The following MOB4 variants were observed in gnomAD, a reference collection of about 807,000 sequenced individuals.
MOB4 encodes MOB-like protein phocein.
A neutral mutation model predicts 32.2 loss-of-function variants in MOB4; 4 were observed. The observed-to-expected ratio is 0.12, with a 90% CI of 0.06 to 0.28. The LOEUF is 0.28. Among genes scored for constraint, MOB4 ranks in the 10% least tolerant of loss-of-function variants. The probability of loss-of-function intolerance (pLI) is 1.00; values close to 1 mark genes in which losing one functional copy is unlikely to be tolerated. For missense variants in MOB4, 158 were observed against 271.2 expected, an observed-to-expected ratio of 0.58 and a Z score of 2.93; for synonymous variants, 88 against 88.1, an observed-to-expected ratio of 1.00 and a Z score of 0.01.
intron 1 of MOB4, among the ~76,000 whole-genome samples, chr2:197,520,835 ATTGT>A: frequency 7.2e-6 from 1 of 138,818 alleles, no homozygotes; most frequent in East Asian, 2.5e-4. Flanking sequence ...AGGCTGGAGG[ATTGT>A]TTGTGACCAG....
intron 5 of MOB4, among the ~76,000 whole-genome samples, chr2:197,546,635 A>G (rs1232182212): frequency 6.6e-6 from 1 of 150,792 alleles, no homozygotes. Flanking sequence ...CCTGGACTCA[A>G]GTGATCTTCC....
At chr2:197,526,308 T>A (rs2106111025) in intron 2 of MOB4, among the ~76,000 whole-genome samples, 1 of 152,234 alleles carries the variant, frequency 6.6e-6, no homozygotes, top group African/African-American at 2.4e-5. Flanking sequence ...GTGTTTCTTT[T>A]TCTTACTTTT....
intron 1 of MOB4, among the ~76,000 whole-genome samples, chr2:197,522,288 T>G (rs2086533848): frequency 6.6e-6 from 1 of 151,566 alleles, no homozygotes; most frequent in South Asian, 2.1e-4. Flanking sequence ...GTCTTATTCA[T>G]TCTTTCTATT....
At chr2:197,530,073 G>T (rs1177404678) in intron 2 of MOB4, among the ~76,000 whole-genome samples, 1 of 148,336 alleles carries the variant, frequency 6.7e-6, no homozygotes, top group East Asian at 2.0e-4. Context: ...GGGTTCAAGC[G>T]ATTCTCCTCC....
rs1415847205 is a variant in MOB4 at position 197,546,694 on chromosome 2, T to C, written c.355-1642T>C. On this transcript the variant is annotated intron_variant, in intron 5 of 7. Transcript: ENST00000323303. ...GAATTACAGGCGTGAGCCACCACAT[T>C]GGGCCTAGAAAATTTAAAATTAAAT... Among the ~76,000 whole-genome samples the C allele has an allele frequency of 2.6e-5, 4 of 152,154 alleles. 1 individual carries two copies. The highest frequency in any genetic ancestry group is 5.9e-5 in the Non-Finnish European group (4 of 68,020).
At chr2:197,544,492 G>A (rs573784102) in intron 5 of MOB4, among the ~76,000 whole-genome samples, 35 of 152,248 alleles carry the variant, frequency 2.3e-4, no homozygotes, top group Non-Finnish European at 4.4e-4. Context: ...GGTGGCTCAC[G>A]CCTGTAATTC....
Position 197,537,791 on chromosome 2 carries a change from G to A in MOB4, c.224+2161G>A, listed in dbSNP as rs557777509. Among the ~76,000 whole-genome samples the A allele has an allele frequency of 4.6e-5, 7 of 151,202 alleles. No individual in the cohort carries two copies. In the East Asian group the frequency reaches 1.4e-3, roughly 29 times the overall value. Reference sequence around the variant, plus strand: ...ACTGCTTTCTTATGTTTTTTTTCTTGAGACAAGAGTCTCGAGTCTCGCTTT... The same window carrying A: ...ACTGCTTTCTTATGTTTTTTTTCTTAAGACAAGAGTCTCGAGTCTCGCTTT... On this transcript the variant is annotated intron_variant, in intron 3 of 7. Coordinates refer to ENST00000323303, the MANE Select transcript of MOB4 (RefSeq NM_015387.5).
intron 1 of MOB4, chr2:197,516,561 C>G (rs776114550): frequency 1.8e-5 from 9 of 496,506 alleles, no homozygotes; most frequent in Non-Finnish European, 3.6e-5. Context: ...GTAAACACAG[C>G]CTACCTCGAC....
At chr2:197,533,822 T>C (rs987757379) in intron 2 of MOB4, 4 of 608,970 alleles carry the variant, frequency 6.6e-6, no homozygotes, top group East Asian at 4.1e-5. Flanking sequence ...CACAAGACTT[T>C]AAGACTTTTA....
At position 197,550,725 on chromosome 2, in the gene MOB4, G is replaced by T; in HGVS notation, c.*79G>T. The stretch of plus-strand genomic sequence containing the variant: ...ATATCATTTTAGACACATCAATCAT[G>T]TATCCATATTATAGCTTCTTTGTTT... On this transcript the variant is annotated 3_prime_UTR_variant, in exon 8 of 8. Transcript: ENST00000323303. The T allele has an allele frequency of 7.0e-7, 1 of 1,438,412 alleles. No homozygotes were observed. Among genetic ancestry groups the T allele is most frequent in the Non-Finnish European group, 9.1e-7 (1 of 1,094,544 alleles). The allele number at this position is 1,438,412 out of a possible 1,614,324, so 89.1% of individuals were successfully genotyped here.
intron 6 of MOB4, among the ~76,000 whole-genome samples, chr2:197,549,235 A>AG (rs1553592386): frequency 6.6e-6 from 1 of 152,126 alleles, no homozygotes; most frequent in Non-Finnish European, 1.5e-5. Context: ...TCAAAAAAAA[A>AG]AGAGCAGACT....
intron 5 of MOB4, among the ~76,000 whole-genome samples, chr2:197,545,837 T>G (rs568977684): frequency 6.6e-6 from 1 of 152,276 alleles, no homozygotes; most frequent in East Asian, 1.9e-4. Context: ...GCTGAAATGT[T>G]CTGAAATTTA....
At chr2:197,541,775 C>T (rs199722786) in intron 5 of MOB4, among the ~76,000 whole-genome samples, 3 of 151,846 alleles carry the variant, frequency 2.0e-5, no homozygotes, top group Admixed American at 6.6e-5. Flanking sequence ...AAAAATTAGC[C>T]GGGCGTAGTG....
intron 1 of MOB4, among the ~76,000 whole-genome samples, chr2:197,523,129 G>A (rs908848422): frequency 1.3e-5 from 2 of 150,892 alleles, no homozygotes; most frequent in Admixed American, 6.6e-5. Context: ...TTTTTTCATT[G>A]TAACTTTTTG....
At chr2:197,516,875 A>G (rs755473655) in intron 1 of MOB4, 2 of 367,186 alleles carry the variant, frequency 5.4e-6, no homozygotes, top group Non-Finnish European at 1.1e-5. Context: ...ATTGTTTCTT[A>G]GGGTTTGGAA....
At chr2:197,541,953 G>A (rs2086903881) in intron 5 of MOB4, among the ~76,000 whole-genome samples, 1 of 152,112 alleles carries the variant, frequency 6.6e-6, no homozygotes, top group African/African-American at 2.4e-5. Flanking sequence ...TAAAAAGATT[G>A]TATCTGTCTA....
At chr2:197,516,406 C>A in intron 1 of MOB4, 1 of 1,387,684 alleles carries the variant, frequency 7.2e-7, no homozygotes, top group Non-Finnish European at 9.4e-7. Context: ...CCTGCCGAAG[C>A]CCTGGGCTGC....
chr2:197,547,806 A>C (rs565125736), intron 5 of MOB4, among the ~76,000 whole-genome samples: 81 of 152,230 alleles, frequency 5.3e-4, no homozygotes, highest in African/African-American at 1.9e-3. Flanking sequence ...TCCTTTAATA[A>C]ATTTACTGAG....
In MOB4 at chr2:197,526,775, GGTCTCAGCA is replaced by G. The variant is rs569701947; in HGVS notation, c.123+3091_123+3099del. On this transcript the variant is annotated intron_variant, in intron 2 of 7. Transcript: ENST00000323303. ...AATGCCTTTCCTTTCTTTATTGAAT[GGTCTCAGCA>G]GCCTTGTCGAAATCTTTTGGCCATG... 7.2e-5 allele frequency among the ~76,000 whole-genome samples: 11 copies of G among 152,278 alleles called. No homozygotes were observed. In the South Asian group the frequency reaches 1.2e-3, roughly 17 times the overall value.
Sources: allele counts gnomAD v4.1 joint callset (sites outside exome capture counted in the v4.1 genomes callset), GRCh38; gene constraint gnomAD v4.1.1; transcripts MANE v1.5; gene names NCBI Gene and HGNC (gene_info 2026-07-23, HGNC 2026-07-21).